The following PTPA variants were observed in gnomAD, a reference collection of about 807,000 sequenced individuals.
PTPA encodes the protein serine/threonine-protein phosphatase 2A activator.
Under a neutral mutation model 43.6 loss-of-function variants are expected in PTPA, and 13 were observed. That is an observed-to-expected ratio of 0.30 (90% CI 0.19 to 0.47). PTPA has a LOEUF of 0.47. Ranked by LOEUF, PTPA falls within the 20% of genes least tolerant of loss-of-function variation. The probability of loss-of-function intolerance (pLI) is 0.99; values close to 1 mark genes in which losing one functional copy is unlikely to be tolerated. For synonymous variants in PTPA, 172 were observed against 158.2 expected (o/e 1.09, Z -0.66); for missense variants, 329 against 411.9 (o/e 0.80, Z 1.74).
At chr9:129,138,000 G>A (rs936202593) in intron 8 of PTPA, 7 of 394,458 alleles carry the variant, frequency 1.8e-5, no homozygotes, top group South Asian at 8.9e-5. Flanking sequence ...GGGTCGGGGC[G>A]GGCGGAGGTT....
At chr9:129,113,196 C>T (rs1343854399) in intron 1 of PTPA, among the ~76,000 whole-genome samples, 6 of 151,844 alleles carry the variant, frequency 4.0e-5, no homozygotes, top group East Asian at 2.0e-4. Flanking sequence ...CGGGTTCAAG[C>T]GATTCTCCTG....
intron 5 of PTPA, among the ~76,000 whole-genome samples, chr9:129,134,205 T>A (rs542611099): frequency 2.2e-4 from 34 of 151,960 alleles, no homozygotes; most frequent in Admixed American, 4.6e-4. Flanking sequence ...TCAGTAAATA[T>A]GGTGGAATTG....
chr9:129,144,511 G>T (rs1851150349), intron 9 of PTPA, among the ~76,000 whole-genome samples: 1 of 152,026 alleles, frequency 6.6e-6, no homozygotes, highest in South Asian at 2.1e-4. Context: ...GGCCGAGGTG[G>T]GCGGATCACG....
At position 129,129,130 on chromosome 9, in the gene PTPA, G is replaced by A. The variant is rs199564825; in HGVS notation, c.342+20G>A. 115 of 1,611,104 alleles carry A rather than the reference G, an allele frequency of 7.1e-5. No homozygotes were observed. The highest frequency in any genetic ancestry group is 8.3e-5 in the Non-Finnish European group (98 of 1,179,202). On this transcript the variant is annotated intron_variant, in intron 4 of 9. Coordinates refer to ENST00000393370, the MANE Select transcript of PTPA (RefSeq NM_178000.3). ...GATGAGGTGAGGCTGCCACAGGACAGGCCAGGGACTGGGCTGGCAGTGAGG... is the reference window on the plus strand; with the variant it reads ...GATGAGGTGAGGCTGCCACAGGACAAGCCAGGGACTGGGCTGGCAGTGAGG...
At chr9:129,140,544 G>C (rs1014790159) in intron 8 of PTPA, among the ~76,000 whole-genome samples, 1 of 152,210 alleles carries the variant, frequency 6.6e-6, no homozygotes, top group African/African-American at 2.4e-5. Flanking sequence ...TTTGGCCCTG[G>C]TAGGCGAGGC....
Position 129,128,949 on chromosome 9 carries a change from C to T in PTPA, c.217-36C>T, listed in dbSNP as rs755592920. The stretch of plus-strand genomic sequence containing the variant: ...TCTGTGGCTAAGCGGGAGCCACTTG[C>T]TCTGTAGCTTGGACCCCTCTATTTT... On this transcript the variant is annotated intron_variant, in intron 3 of 9. Transcript: ENST00000393370. 3 of 1,611,116 alleles carry T rather than the reference C, an allele frequency of 1.9e-6. No individual in the cohort carries two copies. In the South Asian group the frequency reaches 3.3e-5, roughly 18 times the overall value.
At chr9:129,142,873 A>G (rs762691950) in intron 9 of PTPA, 3 of 1,514,384 alleles carry the variant, frequency 2.0e-6, no homozygotes, top group African/African-American at 2.8e-5. Flanking sequence ...CAAGTGGCCA[A>G]AGGCTCCTCA....
intron 2 of PTPA, 91 bp downstream of exon 2, chr9:129,120,701 C>A: frequency 1.8e-6 from 2 of 1,113,894 alleles, no homozygotes; most frequent in Non-Finnish European, 1.3e-6. Context: ...GCCCTTCTTG[C>A]TCTTGGAGCC....
chr9:129,132,354 G>A (rs180851304), intron 5 of PTPA, among the ~76,000 whole-genome samples: 4 of 152,114 alleles, frequency 2.6e-5, no homozygotes, highest in African/African-American at 9.6e-5. Context: ...TTTTGAGACA[G>A]GGTCTTGCTT....
At chr9:129,111,071 T>C (rs780105699), upstream of PTPA, 1 of 1,365,842 alleles carries the variant, frequency 7.3e-7, no homozygotes, top group South Asian at 1.1e-5. Context: ...CTGGTGTCCT[T>C]GAGCCTAACT....
chr9:129,147,067 G>A (rs1335968963), intron 9 of PTPA, among the ~76,000 whole-genome samples: 2 of 152,214 alleles, frequency 1.3e-5, no homozygotes, highest in Admixed American at 1.3e-4. Flanking sequence ...GGTCCCCAGT[G>A]ATCAGGAGGG....
At chr9:129,140,016 G>C (rs1242427369) in intron 8 of PTPA, 1 of 152,562 alleles carries the variant, frequency 6.6e-6, no homozygotes, top group African/African-American at 2.4e-5. Flanking sequence ...TCAGATTTCA[G>C]CTGGAAGGGA....
chr9:129,142,210 C>G (rs1850910010), intron 8 of PTPA: 1 of 423,214 alleles, frequency 2.4e-6, no homozygotes, highest in African/African-American at 2.0e-5. Context: ...ATTTTCCTAG[C>G]AGGCCTTGAG....
In PTPA at chr9:129,147,814, G is replaced by A. The variant is rs746489; in HGVS notation, c.*350G>A. ...AGAGCAGGGGCTGTTCTGCAGCACCGCAGGGAAGGGAGGAGAGATACCTGC... is the reference window on the plus strand; with the variant it reads ...AGAGCAGGGGCTGTTCTGCAGCACCACAGGGAAGGGAGGAGAGATACCTGC... On this transcript the variant is annotated 3_prime_UTR_variant, in exon 10 of 10. Transcript: ENST00000393370. 1.3e-4 allele frequency: 35 copies of A among 274,532 alleles called. No homozygotes were observed. Among genetic ancestry groups the A allele is most frequent in the Non-Finnish European group, 1.1e-4 (16 of 140,598 alleles). 17.0% of individuals were successfully genotyped at this position (274,532 alleles called of 1,614,324 possible). A position where few individuals can be genotyped will look rare whatever the true frequency, so the allele number is the denominator to read the frequency against.
chr9:129,120,758 C>T (rs538133370), intron 2 of PTPA, 148 bp downstream of exon 2: 4 of 657,290 alleles, frequency 6.1e-6, no homozygotes, highest in East Asian at 2.8e-5. Context: ...AGCTGGCTGT[C>T]TCTTCCCTTC....
chr9:129,133,954 C>T (rs1238209719), intron 5 of PTPA, among the ~76,000 whole-genome samples: 1 of 152,240 alleles, frequency 6.6e-6, no homozygotes, highest in Non-Finnish European at 1.5e-5. Context: ...TCACATCTTT[C>T]AGATTTCAGA....
chr9:129,112,273 A>T (rs7849160), intron 1 of PTPA, among the ~76,000 whole-genome samples: 90,414 of 152,020 alleles, frequency 0.59, 28,814 homozygotes, highest in Non-Finnish European at 0.7. Flanking sequence ...TTTTTAGTTC[A>T]TCTTAAATAA....
intron 3 of PTPA, among the ~76,000 whole-genome samples, chr9:129,127,203 G>A (rs1849637001): frequency 6.6e-6 from 1 of 152,140 alleles, no homozygotes. Flanking sequence ...CATGCCCCAA[G>A]CCTAGATAAA....
chr9:129,122,985 C>T (rs909100734), intron 2 of PTPA, 67 bp from the exon 3 acceptor site: 39 of 1,240,536 alleles, frequency 3.1e-5, no homozygotes, highest in Admixed American at 1.4e-4. Flanking sequence ...TGGTGGAGCT[C>T]GGGGCAGGTG....
Sources: allele counts gnomAD v4.1 joint callset (sites outside exome capture counted in the v4.1 genomes callset), GRCh38; gene constraint gnomAD v4.1.1; transcripts MANE v1.5; gene names NCBI Gene and HGNC (gene_info 2026-07-23, HGNC 2026-07-21).